The following TMTC3 variants were observed in gnomAD, a reference collection of about 807,000 sequenced individuals.
TMTC3 encodes the protein protein O-mannosyl-transferase TMTC3.
In TMTC3, 52 loss-of-function variants were observed where a neutral mutation model predicts 92.2. The ratio of observed to expected loss-of-function variants is 0.56; its 90% CI spans 0.45 to 0.71. The LOEUF (loss-of-function observed/expected upper bound fraction) is 0.71, where lower values mean the gene tolerates loss of function less well. TMTC3 is among the 30% of genes least tolerant of loss of function. The pLI is 0.00. For missense variants in TMTC3, 896 were observed against 1,057.1 expected, an observed-to-expected ratio of 0.85 and a Z score of 2.11; for synonymous variants, 339 against 363.3, an observed-to-expected ratio of 0.93 and a Z score of 0.76.
At chr12:88,154,188 C>T in intron 3 of TMTC3, 100 bp from the exon 4 acceptor site, 1 of 837,668 alleles carries the variant, frequency 1.2e-6, no homozygotes, top group Non-Finnish European at 1.8e-6. Context: ...CAAATGTGCA[C>T]TTGAAAAGTT....
At chr12:88,188,767 C>T (rs940673386) in intron 10 of TMTC3, 76 bp from the exon 11 acceptor site, 160 of 701,748 alleles carry the variant, frequency 2.3e-4, no homozygotes, top group Non-Finnish European at 3.5e-4. Context: ...ATATCAAATA[C>T]ATTTAATCAT....
chr12:88,175,773 T>G (rs1470867110), intron 9 of TMTC3, among the ~76,000 whole-genome samples: 3 of 152,190 alleles, frequency 2.0e-5, no homozygotes. Flanking sequence ...AAGCACAGAT[T>G]GACTCAGAGC....
intron 10 of TMTC3, among the ~76,000 whole-genome samples, chr12:88,185,731 T>TTTTTTTTTTTTTTGAGACGGAGTCTC (rs2041370122): frequency 6.6e-6 from 1 of 152,116 alleles, no homozygotes; most frequent in African/African-American, 2.4e-5. Flanking sequence ...ATTCTTCATT[T>TTTTTTTTTTTTTTGAGACGGAGTCTC]GCTGAGAATT....
Position 88,195,661 on chromosome 12 carries a change from AT to A in TMTC3, c.*13del. 1 of 1,563,894 alleles carries A rather than the reference AT, an allele frequency of 6.4e-7. No individual in the cohort carries two copies. The highest frequency in any genetic ancestry group is 8.6e-7 in the Non-Finnish European group (1 of 1,158,032). On this transcript the variant is annotated 3_prime_UTR_variant, in exon 14 of 14. Coordinates refer to ENST00000266712, the MANE Select transcript of TMTC3 (RefSeq NM_181783.4). ...TAAATGGTGAATAACATTAATATTT[AT>A]CGTGACAATGGTATCAAAGAACATC... is the stretch of plus-strand genomic sequence containing the variant.
chr12:88,157,511 C>T (rs1403998162), intron 4 of TMTC3, among the ~76,000 whole-genome samples: 3 of 152,008 alleles, frequency 2.0e-5, no homozygotes, highest in Non-Finnish European at 2.9e-5. Flanking sequence ...TATCACTACT[C>T]ATCTTTCCCA....
intron 7 of TMTC3, among the ~76,000 whole-genome samples, chr12:88,167,027 T>G (rs1408468884): frequency 6.7e-6 from 1 of 150,120 alleles, no homozygotes; most frequent in African/African-American, 2.5e-5. Flanking sequence ...GGTTTTTCTG[T>G]ACTGTTTTTC....
rs1030792321 is a variant in TMTC3 at position 88,158,569 on chromosome 12, CT to C, written c.509-1542del. Among the ~76,000 whole-genome samples, 129 of 150,134 alleles carry C rather than the reference CT, an allele frequency of 8.6e-4. 1 individual carries two copies. Among genetic ancestry groups the C allele is most frequent in the African/African-American group, 2.9e-3 (120 of 40,810 alleles). ...TGGGTTTGGTTTTTTTCATTTATTTCTTTGTTTTCGGTTATTTTTTCCTTCA... is the reference window on the plus strand; with the variant it reads ...TGGGTTTGGTTTTTTTCATTTATTTCTTGTTTTCGGTTATTTTTTCCTTCA... On this transcript the variant is annotated intron_variant, in intron 4 of 13. Coordinates refer to ENST00000266712, the MANE Select transcript of TMTC3 (RefSeq NM_181783.4).
chr12:88,155,594 T>G (rs2040998330), intron 4 of TMTC3, among the ~76,000 whole-genome samples: 1 of 152,216 alleles, frequency 6.6e-6, no homozygotes, highest in Non-Finnish European at 1.5e-5. Flanking sequence ...TTTCCCATTA[T>G]TGAATTTTCT....
rs2138449595 is a variant in TMTC3 at position 88,195,196 on chromosome 12, G to A, written c.2292G>A (p.Leu764=). 1 of 1,613,838 alleles carries A rather than the reference G, an allele frequency of 6.2e-7. No homozygotes were observed. The highest frequency in any genetic ancestry group is 8.5e-7 in the Non-Finnish European group (1 of 1,179,920). The change falls in exon 14 of 14, where the codon TTG becomes TTA. Residue 764 remains leucine, a synonymous_variant. Coordinates refer to ENST00000266712, the MANE Select transcript of TMTC3 (RefSeq NM_181783.4). The stretch of plus-strand genomic sequence containing the variant: ...CAAAAAAATGTTTTGAAAGGATTTT[G>A]GAGATGGATCCAAGCAATGTGCAAG... ...LGAKKCFERI[L]EMDPSNVQGK...
intron 8 of TMTC3, chr12:88,173,021 G>T: frequency 7.4e-7 from 1 of 1,356,240 alleles, no homozygotes. Context: ...ATGTTACTGA[G>T]AATAAAGTCT....
intron 1 of TMTC3, among the ~76,000 whole-genome samples, chr12:88,146,388 C>G (rs1166862896): frequency 1.3e-5 from 2 of 152,054 alleles, no homozygotes; most frequent in Admixed American, 6.6e-5. Flanking sequence ...GAACCTTGCC[C>G]TCCTGTTGTC....
At position 88,199,260 on chromosome 12, in the gene TMTC3, G is replaced by T. The variant is rs1425594203; in HGVS notation, c.*3611G>T. ...TTCATTTCTATATGTGCCTGGTATTGCCTCTGGCATAACTTAGAGGAAATT... is the reference window on the plus strand; with the variant it reads ...TTCATTTCTATATGTGCCTGGTATTTCCTCTGGCATAACTTAGAGGAAATT... On this transcript the variant is annotated 3_prime_UTR_variant, in exon 14 of 14. Coordinates refer to ENST00000266712, the MANE Select transcript of TMTC3 (RefSeq NM_181783.4). The T allele has an allele frequency of 2.0e-5, 3 of 151,938 alleles. No homozygotes were observed. Among genetic ancestry groups the T allele is most frequent in the Non-Finnish European group, 4.4e-5 (3 of 67,934 alleles). 9.4% of individuals were successfully genotyped at this position (151,938 alleles called of 1,614,324 possible).
chr12:88,149,138 CT>C (rs779473090), intron 2 of TMTC3, among the ~76,000 whole-genome samples: 3 of 152,074 alleles, frequency 2.0e-5, no homozygotes, highest in Non-Finnish European at 4.4e-5. Flanking sequence ...AATTTTGAAT[CT>C]TTGTCCTATC....
intron 6 of TMTC3, among the ~76,000 whole-genome samples, chr12:88,164,951 G>A (rs7305188): frequency 6.6e-6 from 1 of 152,016 alleles, no homozygotes; most frequent in Non-Finnish European, 1.5e-5. Flanking sequence ...AGATATTACA[G>A]TATTGGAAAT....
chr12:88,174,470 C>T, intron 8 of TMTC3, 137 bp from the exon 9 acceptor site: 1 of 1,016,256 alleles, frequency 9.8e-7, no homozygotes. Context: ...GTTGGGTGTT[C>T]ATTAGAATGA....
chr12:88,160,464 C>T (rs570397668), intron 5 of TMTC3, among the ~76,000 whole-genome samples: 1 of 152,072 alleles, frequency 6.6e-6, no homozygotes, highest in African/African-American at 2.4e-5. Flanking sequence ...AATCATTAGG[C>T]AGCTTGGAAA....
At chr12:88,152,461 ATGAGATT>A (rs1214449036) in intron 2 of TMTC3, among the ~76,000 whole-genome samples, 1 of 152,220 alleles carries the variant, frequency 6.6e-6, no homozygotes, top group Non-Finnish European at 1.5e-5. Context: ...ATATTTCAGC[ATGAGATT>A]TGGAGGGGAC....
rs1218558885 is a variant in TMTC3 at position 88,160,828 on chromosome 12, A to G, written c.774A>G (p.Gln258=). The change falls in exon 6 of 14, where the codon CAA becomes CAG. Residue 258 remains glutamine, a synonymous_variant. Transcript: ENST00000266712. ...TTGTGATTAGAGTCCAGGTTATTCA[A>G]TCCCAACTTCCAGTATTCACCAGGT... ...LLVVIRVQVI[Q]SQLPVFTRFD... 1.2e-6 allele frequency: 2 copies of G among 1,609,698 alleles called. No homozygotes were observed. The highest frequency in any genetic ancestry group is 8.5e-7 in the Non-Finnish European group (1 of 1,178,214).
At position 88,166,436 on chromosome 12, in the gene TMTC3, T is replaced by A; in HGVS notation, c.904T>A (p.Cys302Ser). ...GTTATTAAATCCTTCAGAGCTCTGCTGTGATTGGACCATGGGAACAATACC... is the reference window on the plus strand; with the variant it reads ...GTTATTAAATCCTTCAGAGCTCTGCAGTGATTGGACCATGGGAACAATACC... ...WLLLNPSELC[C>S]DWTMGTIPLI... Residue 302 changes from cysteine (C) to serine (S), a missense_variant, in exon 7 of 14, where the codon TGT becomes AGT. Physicochemically the swap from Cys to Ser is moderately radical, Grantham distance 112. Coordinates refer to ENST00000266712, the MANE Select transcript of TMTC3 (RefSeq NM_181783.4). 1 of 1,614,042 alleles carries A rather than the reference T, an allele frequency of 6.2e-7. No homozygotes were observed. Among genetic ancestry groups the A allele is most frequent in the Non-Finnish European group, 8.5e-7 (1 of 1,179,960 alleles).
Sources: gnomAD v4.1 joint callset for allele counts (sites outside exome capture counted in the v4.1 genomes callset) on GRCh38, gnomAD v4.1.1 for gene constraint, MANE v1.5 for transcripts, NCBI Gene and HGNC (gene_info 2026-07-23, HGNC 2026-07-21) for gene names.